The following ZNF366 variants were observed in gnomAD, a reference collection of about 807,000 sequenced individuals.
The protein encoded by ZNF366 is zinc finger protein 366, also known as dendritic cell-specific transcript protein.
A neutral mutation model predicts 47.2 loss-of-function variants in ZNF366; 20 were observed. The ratio of observed to expected loss-of-function variants is 0.42; its 90% CI spans 0.30 to 0.62. The LOEUF (loss-of-function observed/expected upper bound fraction) is 0.62, where lower values mean the gene tolerates loss of function less well. Ranked by LOEUF, ZNF366 falls within the 20% of genes least tolerant of loss-of-function variation. The pLI is 0.16. For missense variants in ZNF366, 987 were observed against 976.3 expected (o/e 1.01, Z -0.15); for synonymous variants, 421 against 395.1 (o/e 1.07, Z -0.78).
At chr5:72,489,913 C>T (rs1316442216) in intron 1 of ZNF366, among the ~76,000 whole-genome samples, 1 of 152,254 alleles carries the variant, frequency 6.6e-6, no homozygotes, top group Non-Finnish European at 1.5e-5. Flanking sequence ...GCTGCTATCA[C>T]TTAACTGGAA....
At chr5:72,445,587 C>A (rs1197973872) in intron 4 of ZNF366, among the ~76,000 whole-genome samples, 1 of 152,154 alleles carries the variant, frequency 6.6e-6, no homozygotes, top group Non-Finnish European at 1.5e-5. Context: ...TTTTTCAAAG[C>A]AACCCTCTGA....
chr5:72,484,919 A>G (rs1295403140), intron 1 of ZNF366, among the ~76,000 whole-genome samples: 1 of 151,982 alleles, frequency 6.6e-6, no homozygotes, highest in East Asian at 1.9e-4. Context: ...TTAAATTACC[A>G]TAGAAGGACC....
chr5:72,446,633 A>G (rs1160677269), intron 4 of ZNF366, among the ~76,000 whole-genome samples: 1 of 152,208 alleles, frequency 6.6e-6, no homozygotes, highest in Non-Finnish European at 1.5e-5. Context: ...ATATGGGCCA[A>G]TCAGCCCTAC....
chr5:72,472,352 C>CT (rs906798255), intron 1 of ZNF366, among the ~76,000 whole-genome samples: 6 of 152,096 alleles, frequency 3.9e-5, no homozygotes, highest in African/African-American at 7.2e-5. Flanking sequence ...TCAAAATGTT[C>CT]TTTTTTTGTG....
rs1366429381 is a variant in ZNF366 at position 72,491,501 on chromosome 5, C to T, written c.-15+15750G>A. Among the ~76,000 whole-genome samples, 3 of 152,262 alleles carry T rather than the reference C, an allele frequency of 2.0e-5. No individual in the cohort carries two copies. In the South Asian group the frequency reaches 6.2e-4, roughly 32 times the overall value. On this transcript the variant is annotated intron_variant, in intron 1 of 4. Transcript: ENST00000318442. The stretch of plus-strand genomic sequence containing the variant: ...CAGAAGCTTGGGAGTCAGGCACCCC[C>T]GGGTTTGAATTCTAGAACTGTGGCA...
At chr5:72,491,659 A>G (rs955841136) in intron 1 of ZNF366, among the ~76,000 whole-genome samples, 19 of 152,204 alleles carry the variant, frequency 1.2e-4, no homozygotes, top group African/African-American at 4.6e-4. Flanking sequence ...AGAAAAAGAC[A>G]CTTAATAAAT....
intron 1 of ZNF366, among the ~76,000 whole-genome samples, chr5:72,484,811 A>G (rs575685706): frequency 4.6e-5 from 7 of 152,360 alleles, no homozygotes; most frequent in Non-Finnish European, 1.0e-4. Flanking sequence ...ACTGAGGCAC[A>G]GGATAGTAAG....
At chr5:72,486,188 G>A (rs866599502) in intron 1 of ZNF366, among the ~76,000 whole-genome samples, 3 of 152,100 alleles carry the variant, frequency 2.0e-5, no homozygotes, top group Admixed American at 1.3e-4. Context: ...ATAATGTTTC[G>A]TGAGAGGTTG....
intron 3 of ZNF366, among the ~76,000 whole-genome samples, chr5:72,454,134 T>C (rs1743133601): frequency 6.6e-6 from 1 of 152,238 alleles, no homozygotes; most frequent in African/African-American, 2.4e-5. Flanking sequence ...GGACCAGACA[T>C]GGAGCCTCAT....
At chr5:72,453,635 C>G in intron 3 of ZNF366, among the ~76,000 whole-genome samples, 1 of 152,218 alleles carries the variant, frequency 6.6e-6, no homozygotes, top group East Asian at 1.9e-4. Flanking sequence ...ATGCAAAGAG[C>G]CTTGTGACAT....
rs769166176 is a variant in ZNF366 at position 72,473,978 on chromosome 5, T to C, written c.-14-12468A>G. 1.9e-3 allele frequency among the ~76,000 whole-genome samples: 286 copies of C among 152,306 alleles called. 1 individual carries two copies. Among genetic ancestry groups the C allele is most frequent in the Non-Finnish European group, 3.0e-3 (205 of 68,022 alleles). ...TTGTCTGTGGCTTGAAGAGCACATG[T>C]GAATTTAGGTTGTATCTCCATCTGG... On this transcript the variant is annotated intron_variant, in intron 1 of 4. Transcript: ENST00000318442.
chr5:72,445,131 G>A (rs1253954799), intron 4 of ZNF366, among the ~76,000 whole-genome samples: 1 of 152,206 alleles, frequency 6.6e-6, no homozygotes. Flanking sequence ...CCCTGTGTCT[G>A]ACCTCCAGTG....
At chr5:72,487,919 C>A (rs1264828861) in intron 1 of ZNF366, among the ~76,000 whole-genome samples, 1 of 152,086 alleles carries the variant, frequency 6.6e-6, no homozygotes, top group Non-Finnish European at 1.5e-5. Flanking sequence ...ACTGACATAA[C>A]AGGGTACTGG....
chr5:72,504,692 T>C (rs983116946), intron 1 of ZNF366, among the ~76,000 whole-genome samples: 1 of 152,074 alleles, frequency 6.6e-6, no homozygotes, highest in Admixed American at 6.5e-5. Flanking sequence ...ACACAAATTA[T>C]AGGAGACTCA....
intron 1 of ZNF366, among the ~76,000 whole-genome samples, chr5:72,462,133 C>T (rs551460819): frequency 6.6e-6 from 1 of 152,146 alleles, no homozygotes; most frequent in East Asian, 1.9e-4. Flanking sequence ...CAGATCTAAT[C>T]GTTTCTGAGT....
At chr5:72,496,974 G>A (rs969006927) in intron 1 of ZNF366, among the ~76,000 whole-genome samples, 1 of 151,932 alleles carries the variant, frequency 6.6e-6, no homozygotes, top group African/African-American at 2.4e-5. Flanking sequence ...TTTAAATTGG[G>A]TTGTTTCCCT....
At chr5:72,447,681 G>A (rs1283404090) in intron 3 of ZNF366, among the ~76,000 whole-genome samples, 1 of 152,146 alleles carries the variant, frequency 6.6e-6, no homozygotes, top group Non-Finnish European at 1.5e-5. Context: ...TTGAATAAAA[G>A]CTTTTGAAAA....
intron 1 of ZNF366, among the ~76,000 whole-genome samples, chr5:72,483,769 T>C (rs1175344319): frequency 6.6e-6 from 1 of 152,106 alleles, no homozygotes; most frequent in African/African-American, 2.4e-5. Flanking sequence ...ATATTTAAAC[T>C]GTGATGGGAA....
At chr5:72,455,331 G>A (rs1743156282) in intron 3 of ZNF366, among the ~76,000 whole-genome samples, 1 of 152,098 alleles carries the variant, frequency 6.6e-6, no homozygotes, top group Admixed American at 6.5e-5. Flanking sequence ...ATTAAAGCAG[G>A]AACAGTCCCT....
Sources: gnomAD v4.1 joint callset for allele counts (sites outside exome capture counted in the v4.1 genomes callset) on GRCh38, gnomAD v4.1.1 for gene constraint, MANE v1.5 for transcripts, NCBI Gene and HGNC (gene_info 2026-07-23, HGNC 2026-07-21) for gene names.